The following MORN1 variants were observed in gnomAD, a reference collection of about 807,000 sequenced individuals.
MORN1 encodes MORN repeat containing 1.
A neutral mutation model predicts 61.9 loss-of-function variants in MORN1; 67 were observed. That is an observed-to-expected ratio of 1.08 (90% CI 0.89 to 1.33). MORN1 has a LOEUF of 1.33. Among genes scored for constraint, MORN1 ranks in the 40% most tolerant of loss-of-function variants. The probability of loss-of-function intolerance (pLI) is 0.00; values close to 1 mark genes in which losing one functional copy is unlikely to be tolerated. For synonymous variants in MORN1, 301 were observed against 292.0 expected, an observed-to-expected ratio of 1.03 and a Z score of -0.31; for missense variants, 752 against 691.2, an observed-to-expected ratio of 1.09 and a Z score of -0.99.
intron 12 of MORN1, among the ~76,000 whole-genome samples, chr1:2,331,803 G>A (rs928093637): frequency 8.6e-5 from 13 of 151,394 alleles, no homozygotes; most frequent in East Asian, 5.9e-4. Flanking sequence ...CTCCTCTCCC[G>A]CGGCTGCGCC....
chr1:2,372,419 A>C lies in MORN1; in HGVS notation c.745+62T>G, dbSNP rs1018033657. The C allele has an allele frequency of 1.5e-6, 2 of 1,328,792 alleles. No individual in the cohort carries two copies. The highest frequency in any genetic ancestry group is 2.9e-5 in the African/African-American group (2 of 68,628). The allele number at this position is 1,328,792 out of a possible 1,614,324, so 82.3% of individuals were successfully genotyped here. A position where few individuals can be genotyped will look rare whatever the true frequency, so the allele number is the denominator to read the frequency against. Reference sequence around the variant, plus strand: ...CATCTCGTCCGCATCTTCACTGCTTAAGAACCTGCTGCCTGTTTCTCTTTT... The same window carrying C: ...CATCTCGTCCGCATCTTCACTGCTTCAGAACCTGCTGCCTGTTTCTCTTTT... On this transcript the variant is annotated intron_variant, in intron 8 of 13. Transcript: ENST00000378531. The surrounding 1 kb of genome is among the most constrained non-coding windows in gnomAD (Gnocchi z 5.4).
chr1:2,388,367 G>T, intron 2 of MORN1, 30 bp from the exon 3 acceptor site: 1 of 1,570,698 alleles, frequency 6.4e-7, no homozygotes, highest in Non-Finnish European at 8.8e-7. Flanking sequence ...CGTGAACTCA[G>T]ACAGTGGTTG....
At chr1:2,379,368 T>C (rs1642320820) in intron 6 of MORN1, 1 of 355,240 alleles carries the variant, frequency 2.8e-6, no homozygotes, top group African/African-American at 2.1e-5. Context: ...CGGCGCTGGT[T>C]GGGGTGTGGC....
rs567698562 is a variant in MORN1, at chr1:2,360,255, A to T, written c.746-1540T>A. Among the ~76,000 whole-genome samples, 11 of 152,354 alleles carry T rather than the reference A, an allele frequency of 7.2e-5. No individual in the cohort carries two copies. In the South Asian group the frequency reaches 2.3e-3, roughly 32 times the overall value. ...AGGAGACACGATTGGGAAAGCAAAG[A>T]TGTCAAATGTAAAAACACTAGCGTA... On this transcript the variant is annotated intron_variant, in intron 8 of 13. Transcript: ENST00000378531.
intron 12 of MORN1, among the ~76,000 whole-genome samples, chr1:2,331,719 G>C (rs1166422410): frequency 2.0e-5 from 3 of 152,148 alleles, no homozygotes; most frequent in Non-Finnish European, 4.4e-5. Flanking sequence ...GACTTTGCAG[G>C]ATCCTGCCTG....
intron 12 of MORN1, chr1:2,326,206 G>T (rs528330891): frequency 6.6e-6 from 1 of 152,204 alleles, no homozygotes; most frequent in Non-Finnish European, 1.5e-5. Flanking sequence ...AAGAATGAAA[G>T]ACAAGACTTT....
intron 8 of MORN1, among the ~76,000 whole-genome samples, chr1:2,361,022 G>C (rs1222482667): frequency 6.6e-6 from 1 of 152,138 alleles, no homozygotes; most frequent in African/African-American, 2.4e-5. Flanking sequence ...AATATTTATA[G>C]GAATACAAAA....
At chr1:2,367,238 G>A (rs889466405) in intron 8 of MORN1, among the ~76,000 whole-genome samples, 1 of 147,170 alleles carries the variant, frequency 6.8e-6, no homozygotes, top group Admixed American at 6.9e-5. Context: ...TATCCTTCAC[G>A]AACAGGGATG....
Position 2,321,942 on chromosome 1 carries a change from G to A in MORN1, c.1298-363C>T, listed in dbSNP as rs563591385. On this transcript the variant is annotated intron_variant, in intron 13 of 13. Transcript: ENST00000378531. ...GCTGACCTGGCTACAGGTCCCTGAA[G>A]GATTCTTTTGCAAATACTTTCCTAC... 160 of 909,538 alleles carry A rather than the reference G, an allele frequency of 1.8e-4. 2 individuals are homozygous for A. The African/African-American group carries it at 2.2e-3, about 13-fold the overall frequency. 56.3% of individuals were successfully genotyped at this position (909,538 alleles called of 1,614,324 possible). A position where few individuals can be genotyped will look rare whatever the true frequency, so the allele number is the denominator to read the frequency against.
At chr1:2,336,400 C>A in intron 12 of MORN1, 69 bp downstream of exon 12, 1 of 1,508,822 alleles carries the variant, frequency 6.6e-7, no homozygotes, top group Admixed American at 1.8e-5. Context: ...CCCCGTCCTC[C>A]TGGCCCAGCT....
intron 12 of MORN1, among the ~76,000 whole-genome samples, chr1:2,327,219 C>T (rs563165476): frequency 1.4e-5 from 2 of 142,724 alleles, no homozygotes; most frequent in African/African-American, 5.4e-5. Flanking sequence ...AACACAGAAA[C>T]AAACACAGAG....
chr1:2,371,234 CA>C (rs1642115338), intron 8 of MORN1: 1 of 151,606 alleles, frequency 6.6e-6, no homozygotes, highest in Admixed American at 6.6e-5. Flanking sequence ...ACCACAACAA[CA>C]ACAACACCAA....
At chr1:2,326,987 C>T (rs761494800) in intron 12 of MORN1, among the ~76,000 whole-genome samples, 3 of 152,276 alleles carry the variant, frequency 2.0e-5, no homozygotes, top group East Asian at 1.9e-4. Context: ...CACTGGCGCC[C>T]ACACAGAGAC....
intron 2 of MORN1, among the ~76,000 whole-genome samples, chr1:2,389,238 G>C (rs1642584942): frequency 6.6e-6 from 1 of 152,090 alleles, no homozygotes; most frequent in South Asian, 2.1e-4. Context: ...TGGGGTTGGT[G>C]GGGGTACAGG....
intron 6 of MORN1, among the ~76,000 whole-genome samples, chr1:2,382,483 C>T (rs1642395602): frequency 6.6e-6 from 1 of 152,198 alleles, no homozygotes; most frequent in African/African-American, 2.4e-5. Flanking sequence ...TGTGCACCAG[C>T]GCCGGCCCCA....
At chr1:2,376,003 C>T (rs374312938) in intron 6 of MORN1, 1 of 152,288 alleles carries the variant, frequency 6.6e-6, no homozygotes, top group East Asian at 1.9e-4. Flanking sequence ...CCAGAGCTGA[C>T]CACATGTGGG....
intron 8 of MORN1, among the ~76,000 whole-genome samples, chr1:2,370,943 C>A (rs948261869): frequency 6.6e-6 from 1 of 150,710 alleles, no homozygotes; most frequent in South Asian, 2.1e-4. Context: ...CGGTGGCTCA[C>A]GTCTGTAATC....
intron 10 of MORN1, among the ~76,000 whole-genome samples, chr1:2,349,550 T>C (rs2100286405): frequency 6.6e-6 from 1 of 152,354 alleles, no homozygotes; most frequent in African/African-American, 2.4e-5. Flanking sequence ...CTCTATATGA[T>C]GTGATTCCTA....
chr1:2,348,574 G>A (rs990606015), intron 10 of MORN1, among the ~76,000 whole-genome samples: 13 of 151,950 alleles, frequency 8.6e-5, no homozygotes, highest in East Asian at 3.9e-4. Flanking sequence ...TGCCAGAGCC[G>A]GAGAGTGCAC....
Sources: allele counts gnomAD v4.1 joint callset (sites outside exome capture counted in the v4.1 genomes callset), GRCh38; gene constraint gnomAD v4.1.1; non-coding constraint Gnocchi (gnomAD v3.1); transcripts MANE v1.5; gene names NCBI Gene and HGNC (gene_info 2026-07-23, HGNC 2026-07-21).